The following ARHGAP31 variants were observed in gnomAD, a reference collection of about 807,000 sequenced individuals.
The protein encoded by ARHGAP31 is Rho GTPase activating protein 31, also known as rho GTPase-activating protein 31.
ARHGAP31 carries 34 observed loss-of-function variants against 113.9 expected under a neutral mutation model. That is an observed-to-expected ratio of 0.30 (90% CI 0.23 to 0.40). The LOEUF is 0.40. Ranked by LOEUF, ARHGAP31 falls within the 10% of genes least tolerant of loss-of-function variation. The pLI is 1.00. For missense variants in ARHGAP31, 1,548 were observed against 1,767.1 expected, an observed-to-expected ratio of 0.88 and a Z score of 2.22; for synonymous variants, 650 against 684.8, an observed-to-expected ratio of 0.95 and a Z score of 0.79.
rs537731462 is a variant in ARHGAP31 at position 119,327,709 on chromosome 3, C to G, written c.100+32705C>G. On this transcript the variant is annotated intron_variant, in intron 1 of 11. Coordinates refer to ENST00000264245, the MANE Select transcript of ARHGAP31 (RefSeq NM_020754.4). The stretch of plus-strand genomic sequence containing the variant: ...TATTTACTTCTTTATCTTATTTACT[C>G]TCTGTCCCCTCCATTAAAAAGCAGG... Among the ~76,000 whole-genome samples the G allele has an allele frequency of 6.6e-5, 10 of 152,294 alleles. No homozygotes were observed. In the South Asian group the frequency reaches 1.9e-3, roughly 28 times the overall value.
chr3:119,397,957 C>T (rs930812170), intron 8 of ARHGAP31, among the ~76,000 whole-genome samples: 50 of 152,300 alleles, frequency 3.3e-4, no homozygotes, highest in Non-Finnish European at 3.1e-4. Flanking sequence ...CCATTTAATC[C>T]TCACAACAAC....
intron 1 of ARHGAP31, 74 bp downstream of exon 1, chr3:119,295,078 G>A: frequency 7.1e-7 from 1 of 1,402,216 alleles, no homozygotes; most frequent in East Asian, 2.3e-5. Context: ...CTCTCGAGTT[G>A]TGATAGAGTC....
At chr3:119,329,945 G>T in intron 1 of ARHGAP31, 2 of 985,484 alleles carry the variant, frequency 2.0e-6, no homozygotes, top group Non-Finnish European at 2.4e-6. Flanking sequence ...AGACGCTGAA[G>T]AAGTCAAAGT....
chr3:119,363,212 A>C (rs2080225486), intron 1 of ARHGAP31, among the ~76,000 whole-genome samples: 1 of 152,076 alleles, frequency 6.6e-6, no homozygotes, highest in African/African-American at 2.4e-5. Flanking sequence ...ATTTTGAGAG[A>C]GAGAGAGATA....
chr3:119,380,228 C>G (rs1387434057), intron 3 of ARHGAP31, among the ~76,000 whole-genome samples: 4 of 152,138 alleles, frequency 2.6e-5, no homozygotes, highest in African/African-American at 9.7e-5. Flanking sequence ...TTCCTGGCTT[C>G]TAGGACAGGC....
At chr3:119,317,107 A>T (rs2079739033) in intron 1 of ARHGAP31, among the ~76,000 whole-genome samples, 1 of 152,212 alleles carries the variant, frequency 6.6e-6, no homozygotes, top group Non-Finnish European at 1.5e-5. Flanking sequence ...TTTGTTTGAT[A>T]AAAAATGCTC....
At chr3:119,396,468 A>G (rs2080551873) in intron 8 of ARHGAP31, among the ~76,000 whole-genome samples, 1 of 152,236 alleles carries the variant, frequency 6.6e-6, no homozygotes, top group Non-Finnish European at 1.5e-5. Flanking sequence ...GGCCTTAACT[A>G]TTGCCTGAAG....
chr3:119,315,652 C>T (rs1245836750), intron 1 of ARHGAP31, among the ~76,000 whole-genome samples: 1 of 152,208 alleles, frequency 6.6e-6, no homozygotes, highest in Non-Finnish European at 1.5e-5. Flanking sequence ...GTAAGGCAGC[C>T]TTACAAACCT....
intron 1 of ARHGAP31, among the ~76,000 whole-genome samples, chr3:119,307,939 G>GAAAAAAAAAAAA (rs1559961514): frequency 0.06 from 98 of 1,640 alleles, 4 homozygotes; most frequent in African/African-American, 0.17. Flanking sequence ...TGAATTAACA[G>GAAAAAAAAAAAA]CAAAAAAAAA....
intron 1 of ARHGAP31, among the ~76,000 whole-genome samples, chr3:119,361,813 T>C (rs778018762): frequency 5.9e-5 from 9 of 152,198 alleles, no homozygotes; most frequent in Admixed American, 1.3e-4. Flanking sequence ...TTGAGTCCTT[T>C]CCCATTACTG....
chr3:119,359,410 A>G (rs1344926921), intron 1 of ARHGAP31, among the ~76,000 whole-genome samples: 1 of 151,672 alleles, frequency 6.6e-6, no homozygotes, highest in Non-Finnish European at 1.5e-5. Context: ...ATATTTTTAA[A>G]TTTTTTTTCT....
Position 119,402,259 on chromosome 3 carries a change from A to G in ARHGAP31, c.1507A>G (p.Ser503Gly). 6.2e-7 allele frequency: 1 copy of G among 1,614,258 alleles called. No individual in the cohort carries two copies. The highest frequency in any genetic ancestry group is 8.5e-7 in the Non-Finnish European group (1 of 1,180,048). Residue 503 changes from serine to glycine, a missense_variant, in exon 10 of 12, where the codon AGC (serine) becomes GGC (glycine). Physicochemically the swap from Ser to Gly is moderately conservative, Grantham distance 56 (BLOSUM62 0). Transcript: ENST00000264245. ...SVPLRVSAVISTNSTPCRTPP... is the reference protein window; with the variant it reads ...SVPLRVSAVIGTNSTPCRTPP... ...GCCGCTCCGCGTGTCCGCAGTCATC[A>G]GCACCAACAGCACGCCGTGCAGAAC... is the stretch of plus-strand genomic sequence containing the variant.
At chr3:119,349,154 G>A (rs983805768) in intron 1 of ARHGAP31, among the ~76,000 whole-genome samples, 2 of 152,118 alleles carry the variant, frequency 1.3e-5, no homozygotes, top group African/African-American at 4.8e-5. Context: ...TCTGCAGAAA[G>A]CATATCTTTT....
intron 1 of ARHGAP31, among the ~76,000 whole-genome samples, chr3:119,326,461 A>G (rs1003403653): frequency 1.1e-4 from 16 of 151,462 alleles, no homozygotes; most frequent in African/African-American, 3.9e-4. Context: ...GACATTGTGT[A>G]AGATCTAAAA....
intron 1 of ARHGAP31, chr3:119,299,022 T>C (rs995391027): frequency 1.8e-4 from 32 of 177,682 alleles, no homozygotes; most frequent in African/African-American, 7.5e-4. Context: ...AGGAGTTGAG[T>C]CCTTAAGGGC....
At chr3:119,295,995 A>G (rs1417143009) in intron 1 of ARHGAP31, among the ~76,000 whole-genome samples, 2 of 152,226 alleles carry the variant, frequency 1.3e-5, no homozygotes, top group South Asian at 4.1e-4. Flanking sequence ...AAAATAGCCT[A>G]CTATATAGGC....
Position 119,295,016 on chromosome 3 carries a change from T to A in ARHGAP31, c.100+12T>A. On this transcript the variant is annotated intron_variant, in intron 1 of 11. Transcript: ENST00000264245. Reference sequence around the variant, plus strand: ...CTCGGGACAGGATGGTAATGTGCCTTGGCCTTTCTCCCCCGCCCCCACCTT... The same window carrying A: ...CTCGGGACAGGATGGTAATGTGCCTAGGCCTTTCTCCCCCGCCCCCACCTT... The A allele has an allele frequency of 3.1e-6, 5 of 1,613,402 alleles. No homozygotes were observed. Among genetic ancestry groups the A allele is most frequent in the Non-Finnish European group, 4.2e-6 (5 of 1,179,392 alleles).
At chr3:119,325,410 T>C (rs925101620) in intron 1 of ARHGAP31, among the ~76,000 whole-genome samples, 13 of 152,230 alleles carry the variant, frequency 8.5e-5, no homozygotes, top group Non-Finnish European at 1.3e-4. Flanking sequence ...TCAGAGATGT[T>C]GTTCCCCCTT....
chr3:119,338,594 A>T (rs564217167), intron 1 of ARHGAP31, among the ~76,000 whole-genome samples: 39 of 152,322 alleles, frequency 2.6e-4, no homozygotes, highest in Non-Finnish European at 3.2e-4. Flanking sequence ...TACGTGACAT[A>T]TTTTACTGAA....
Sources: allele counts gnomAD v4.1 joint callset (sites outside exome capture counted in the v4.1 genomes callset), GRCh38; gene constraint gnomAD v4.1.1; transcripts MANE v1.5; gene names NCBI Gene and HGNC (gene_info 2026-07-23, HGNC 2026-07-21).